Variants in PCDH9 observed in about 807,000 individuals in gnomAD.
PCDH9 encodes protocadherin-9.
Under a neutral mutation model 70.6 loss-of-function variants are expected in PCDH9, and 24 were observed. The ratio of observed to expected loss-of-function variants is 0.34; its 90% confidence interval spans 0.25 to 0.48. The LOEUF (loss-of-function observed/expected upper bound fraction) is 0.48, where lower values mean the gene tolerates loss of function less well. Among genes scored for constraint, PCDH9 ranks in the 20% least tolerant of loss-of-function variants. PCDH9 has a pLI of 0.99. For missense variants in PCDH9, 1,281 were observed against 1,503.6 expected (o/e 0.85, Z 2.45); for synonymous variants, 562 against 558.5 (o/e 1.01, Z -0.09).
chr13:66,782,210 T>C (rs1169832831), intron 3 of PCDH9, among the ~76,000 whole-genome samples: 1 of 152,214 alleles, frequency 6.6e-6, no homozygotes, highest in African/African-American at 2.4e-5. Flanking sequence ...AAAAAATCCT[T>C]AATTCCTACA....
At chr13:66,746,011 A>G (rs373880795) in intron 3 of PCDH9, among the ~76,000 whole-genome samples, 26 of 152,164 alleles carry the variant, frequency 1.7e-4, no homozygotes, top group African/African-American at 5.6e-4. Context: ...CCTCTCAGAA[A>G]TACTACTACC....
intron 2 of PCDH9, among the ~76,000 whole-genome samples, chr13:67,039,396 A>G (rs1287230038): frequency 6.6e-6 from 1 of 152,160 alleles, no homozygotes; most frequent in Admixed American, 6.5e-5. Flanking sequence ...ACCATACGGC[A>G]TGATCCAGTC....
chr13:67,191,491 C>G (rs934929518), intron 2 of PCDH9, among the ~76,000 whole-genome samples: 22 of 152,024 alleles, frequency 1.4e-4, no homozygotes, highest in African/African-American at 5.1e-4. Flanking sequence ...ATTATTTCAA[C>G]CCTTTTAAAG....
At chr13:67,120,187 A>AAATAATAAT (rs149316252) in intron 2 of PCDH9, among the ~76,000 whole-genome samples, 52,293 of 143,436 alleles carry the variant, frequency 0.36, 10,020 homozygotes, top group East Asian at 0.64. Context: ...CTCATGCATT[A>AAATAATAAT]AATAATAATA....
At chr13:66,647,177 A>G (rs916529915) in intron 3 of PCDH9, among the ~76,000 whole-genome samples, 1 of 152,108 alleles carries the variant, frequency 6.6e-6, no homozygotes, top group African/African-American at 2.4e-5. Flanking sequence ...AGCCCAGTGG[A>G]CTTGGGGAGT....
chr13:66,879,224 GT>G (rs2081877955), intron 3 of PCDH9, among the ~76,000 whole-genome samples: 1 of 152,064 alleles, frequency 6.6e-6, no homozygotes. Flanking sequence ...TTTATTTTGA[GT>G]TTTGTTATGT....
intron 3 of PCDH9, among the ~76,000 whole-genome samples, chr13:66,679,028 T>C (rs1477776572): frequency 6.6e-6 from 1 of 151,494 alleles, no homozygotes; most frequent in African/African-American, 2.4e-5. Context: ...TACCCACCAT[T>C]AATATTTTGA....
chr13:66,980,609 A>T (rs1039312686), intron 2 of PCDH9, among the ~76,000 whole-genome samples: 1 of 151,350 alleles, frequency 6.6e-6, no homozygotes, highest in African/African-American at 2.4e-5. Context: ...TTATTTTTCC[A>T]TTACAATCCT....
intron 4 of PCDH9, among the ~76,000 whole-genome samples, chr13:66,411,262 C>A (rs1041985124): frequency 1.3e-5 from 2 of 152,060 alleles, no homozygotes; most frequent in Admixed American, 6.6e-5. Flanking sequence ...TTAACTTTGC[C>A]TTAAATGTTA....
intron 2 of PCDH9, among the ~76,000 whole-genome samples, chr13:67,160,479 G>A (rs1185273476): frequency 4.6e-5 from 7 of 152,014 alleles, no homozygotes; most frequent in Middle Eastern, 3.2e-3. Flanking sequence ...CCCAGGAGGC[G>A]GAGGTTGCAG....
chr13:66,455,536 GA>G (rs1202606020), intron 4 of PCDH9, among the ~76,000 whole-genome samples: 3 of 151,968 alleles, frequency 2.0e-5, no homozygotes, highest in Admixed American at 2.0e-4. Flanking sequence ...GTTTTTGACT[GA>G]AAGTATGAAA....
chr13:66,940,248 C>CT (rs1459886339), intron 2 of PCDH9, among the ~76,000 whole-genome samples: 1 of 152,162 alleles, frequency 6.6e-6, no homozygotes. Context: ...ACTTATACAA[C>CT]TGTTTCCTAA....
chr13:67,056,290 C>T (rs1162673901), intron 2 of PCDH9, among the ~76,000 whole-genome samples: 1 of 152,174 alleles, frequency 6.6e-6, no homozygotes, highest in Non-Finnish European at 1.5e-5. Flanking sequence ...ATTTCTGGAT[C>T]TGATCACTCC....
chr13:66,546,568 T>A (rs572882427), intron 4 of PCDH9, among the ~76,000 whole-genome samples: 1 of 152,330 alleles, frequency 6.6e-6, no homozygotes, highest in East Asian at 1.9e-4. Flanking sequence ...TGAAAGTTTA[T>A]AAAGTAAAAC....
intron 4 of PCDH9, among the ~76,000 whole-genome samples, chr13:66,503,154 A>G (rs1389930971): frequency 6.6e-6 from 1 of 152,230 alleles, no homozygotes; most frequent in Non-Finnish European, 1.5e-5. Flanking sequence ...ATTACATTGA[A>G]TCTTACTGTT....
chr13:66,579,353 G>A lies in PCDH9; in HGVS notation c.3340+51857C>T, dbSNP rs1431530726. Among the ~76,000 whole-genome samples, 7 of 151,966 alleles carry A rather than the reference G, an allele frequency of 4.6e-5. No individual in the cohort carries two copies. The East Asian group carries it at 1.3e-3, about 29-fold the overall frequency. On this transcript the variant is annotated intron_variant, in intron 4 of 4. Coordinates refer to ENST00000377865, the MANE Select transcript of PCDH9 (RefSeq NM_203487.3). ...ACTGAAGTATATCAGCAGCTAAAAT[G>A]CTAAACTTCGAACTGGAAAAATATT...
At chr13:66,377,645 C>G (rs1031931552) in intron 4 of PCDH9, among the ~76,000 whole-genome samples, 2 of 152,118 alleles carry the variant, frequency 1.3e-5, no homozygotes, top group African/African-American at 4.8e-5. Flanking sequence ...AAGGAATTAA[C>G]CAGAAAAATA....
chr13:66,375,629 G>C (rs1220836115), intron 4 of PCDH9, among the ~76,000 whole-genome samples: 1 of 151,990 alleles, frequency 6.6e-6, no homozygotes, highest in Non-Finnish European at 1.5e-5. Context: ...ATGTAGCCAT[G>C]CTAGAAAACA....
intron 4 of PCDH9, among the ~76,000 whole-genome samples, chr13:66,612,743 T>C (rs1049893899): frequency 6.6e-5 from 10 of 152,032 alleles, no homozygotes; most frequent in Non-Finnish European, 1.2e-4. Flanking sequence ...CCTCTCCTTT[T>C]CCTGTGTGGA....
Sources: allele counts gnomAD v4.1 joint callset (sites outside exome capture counted in the v4.1 genomes callset), GRCh38; gene constraint gnomAD v4.1.1; transcripts MANE v1.5; gene names NCBI Gene and HGNC (gene_info 2026-07-23, HGNC 2026-07-21).